Variants in SH2B1 observed in about 807,000 individuals in gnomAD.
The protein encoded by SH2B1 is SH2B adapter protein 1.
SH2B1 carries 15 observed loss-of-function variants against 62.6 expected under a neutral mutation model. The ratio of observed to expected loss-of-function variants is 0.24; its 90% CI spans 0.16 to 0.37. SH2B1 has a LOEUF of 0.37. Among genes scored for constraint, SH2B1 ranks in the 10% least tolerant of loss-of-function variants. SH2B1 has a pLI of 1.00. For missense variants in SH2B1, 925 were observed against 1,015.6 expected (o/e 0.91, Z 1.21); for synonymous variants, 443 against 438.0 (o/e 1.01, Z -0.14).
At chr16:28,851,805 A>C (rs936652388) in intron 1 of SH2B1, among the ~76,000 whole-genome samples, 4 of 146,880 alleles carry the variant, frequency 2.7e-5, no homozygotes, top group African/African-American at 9.9e-5. Flanking sequence ...ATGGTGCCTC[A>C]CGCCTGTAAT....
Position 28,864,140 on chromosome 16 carries a change from G to A in SH2B1, c.-1955G>A. On this transcript the variant is annotated 5_prime_UTR_variant, in exon 1 of 8. In the 5' UTR this introduces an upstream ATG that the reference lacks. Coordinates refer to ENST00000684370, the MANE Select transcript of SH2B1 (RefSeq NM_001387430.1). Reference sequence around the variant, plus strand: ...GCCCCGGAAAATGGGCGGCTGGGGGGTGTCCAGGGAGTAGGGTCGGATCGG... The same window carrying A: ...GCCCCGGAAAATGGGCGGCTGGGGGATGTCCAGGGAGTAGGGTCGGATCGG... 4 of 1,188,734 alleles carry A rather than the reference G, an allele frequency of 3.4e-6. No individual in the cohort carries two copies. The highest frequency in any genetic ancestry group is 4.2e-6 in the Non-Finnish European group (4 of 952,168). 73.6% of individuals were successfully genotyped at this position (1,188,734 alleles called of 1,614,324 possible).
chr16:28,847,071 C>T (rs1162994088), intron 1 of SH2B1, among the ~76,000 whole-genome samples: 2 of 152,202 alleles, frequency 1.3e-5, no homozygotes, highest in African/African-American at 4.8e-5. Flanking sequence ...ACAAGACAGA[C>T]AGCTTCGCTG....
intron 1 of SH2B1, among the ~76,000 whole-genome samples, chr16:28,855,968 G>C (rs959082880): frequency 2.0e-5 from 3 of 149,092 alleles, no homozygotes; most frequent in African/African-American, 7.3e-5. Context: ...ACCGCGCCCA[G>C]CCTTTTTTAC....
At position 28,864,156 on chromosome 16, in the gene SH2B1, G is replaced by C; in HGVS notation, c.-1939G>C. 1.7e-6 allele frequency: 2 copies of C among 1,161,166 alleles called. No individual in the cohort carries two copies. Among genetic ancestry groups the C allele is most frequent in the Non-Finnish European group, 2.1e-6 (2 of 935,680 alleles). The allele number at this position is 1,161,166 out of a possible 1,614,324, so 71.9% of individuals were successfully genotyped here. On this transcript the variant is annotated 5_prime_UTR_variant, in exon 1 of 8. Transcript: ENST00000684370. ...GGCTGGGGGGTGTCCAGGGAGTAGG[G>C]TCGGATCGGAGTATATGGACCACCG...
chr16:28,858,925 C>T (rs1400958085), upstream of SH2B1, among the ~76,000 whole-genome samples: 2 of 146,234 alleles, frequency 1.4e-5, no homozygotes, highest in Non-Finnish European at 3.0e-5. Flanking sequence ...GCCTGGGTGA[C>T]ACAGCAAGAC....
At chr16:28,862,659 G>T (rs1962487618), upstream of SH2B1, 1 of 130,396 alleles carries the variant, frequency 7.7e-6, no homozygotes, top group Admixed American at 9.2e-5. Flanking sequence ...TCTGTTGCCC[G>T]CGCTGGAGTG....
At chr16:28,855,830 G>GTTTTTTTTTT (rs1567460763) in intron 1 of SH2B1, among the ~76,000 whole-genome samples, 1 of 120,374 alleles carries the variant, frequency 8.3e-6, no homozygotes, top group Non-Finnish European at 1.7e-5. Flanking sequence ...TTTTTTTTTG[G>GTTTTTTTTTT]ATTTTTAGTA....
chr16:28,869,328 A>G lies in SH2B1; in HGVS notation c.1254A>G (p.Leu418=). 4 of 1,614,036 alleles carry G rather than the reference A, an allele frequency of 2.5e-6. No individual in the cohort carries two copies. The highest frequency in any genetic ancestry group is 3.4e-6 in the Non-Finnish European group (4 of 1,180,006). The change falls in exon 4 of 8, where the codon CTA becomes CTG. Residue 418 remains leucine, a synonymous_variant. Transcript: ENST00000684370. ...ELSCLNHSES[L]PSQDLLLGPS... ...CCTGCCTGAATCACTCGGAGAGTCTACCCAGCCAGGACCTGCTGCTTGGAC... is the reference window on the plus strand; with the variant it reads ...CCTGCCTGAATCACTCGGAGAGTCTGCCCAGCCAGGACCTGCTGCTTGGAC...
At chr16:28,855,080 G>A (rs1203111337) in intron 1 of SH2B1, among the ~76,000 whole-genome samples, 3 of 151,952 alleles carry the variant, frequency 2.0e-5, no homozygotes, top group African/African-American at 7.2e-5. Flanking sequence ...CACCATGTTG[G>A]CCAGGCTGGT....
chr16:28,855,930 C>G lies in SH2B1; in HGVS notation c.-300-5688C>G, dbSNP rs1962314825. ...TCGTGATCCGCCTGCCTCGGCCTCC[C>G]AAAGTGCTGGGATTACAGGTGTGAG... On this transcript the variant is annotated intron_variant, in intron 1 of 10. Transcript: ENST00000322610. Among the ~76,000 whole-genome samples, 7 of 149,006 alleles carry G rather than the reference C, an allele frequency of 4.7e-5. No homozygotes were observed. The South Asian group carries it at 1.3e-3, about 27-fold the overall frequency.
chr16:28,850,434 C>T (rs1962068619), intron 1 of SH2B1, among the ~76,000 whole-genome samples: 1 of 152,172 alleles, frequency 6.6e-6, no homozygotes, highest in Non-Finnish European at 1.5e-5. Flanking sequence ...TATGGCAGCA[C>T]ATGCTTGTAT....
chr16:28,864,469 C>T lies in SH2B1; in HGVS notation c.-1626C>T, dbSNP rs936910754. 20 of 985,744 alleles carry T rather than the reference C, an allele frequency of 2.0e-5. No individual in the cohort carries two copies. In the African/African-American group the frequency reaches 3.3e-4, roughly 16 times the overall value. 61.1% of individuals were successfully genotyped at this position (985,744 alleles called of 1,614,324 possible). A position where few individuals can be genotyped will look rare whatever the true frequency, so the allele number is the denominator to read the frequency against. On this transcript the variant is annotated 5_prime_UTR_variant, in exon 1 of 8. Transcript: ENST00000684370. Reference sequence around the variant, plus strand: ...CTGGGTTCCCCCGTGCTCCATGACTCCTGCATCTCCTGATTGTTTCTCGTT... The same window carrying T: ...CTGGGTTCCCCCGTGCTCCATGACTTCTGCATCTCCTGATTGTTTCTCGTT...
chr16:28,872,816 C>A lies in SH2B1; in HGVS notation c.1897+111C>A. Reference sequence around the variant, plus strand: ...GGGACTATCACAAGGAGAAGCTTTGCTTGGGAGAGCAGGGTAGAGGAGGCT... The same window carrying A: ...GGGACTATCACAAGGAGAAGCTTTGATTGGGAGAGCAGGGTAGAGGAGGCT... On this transcript the variant is annotated intron_variant, in intron 7 of 7. Coordinates refer to ENST00000684370, the MANE Select transcript of SH2B1 (RefSeq NM_001387430.1). This position sits in a 1 kb window ranked among gnomAD's most constrained non-coding sequence, Gnocchi z 5.3. The A allele has an allele frequency of 7.1e-7, 1 of 1,400,280 alleles. No individual in the cohort carries two copies. The highest frequency in any genetic ancestry group is 9.9e-7 in the Non-Finnish European group (1 of 1,007,582). The allele number at this position is 1,400,280 out of a possible 1,614,324, so 86.7% of individuals were successfully genotyped here.
At chr16:28,854,001 CAAAAAAAAAAAAAAAAA>C (rs59760541) in intron 1 of SH2B1, among the ~76,000 whole-genome samples, 1 of 45,982 alleles carries the variant, frequency 2.2e-5, no homozygotes, top group South Asian at 1.2e-3. Flanking sequence ...GACTAGGTCT[CAAAAAAAAAAAAAAAAA>C]AAAAAAAAAA....
intron 4 of SH2B1, 80 bp from the exon 5 acceptor site, chr16:28,871,700 G>A (rs1273920293): frequency 8.7e-7 from 1 of 1,143,640 alleles, no homozygotes; most frequent in South Asian, 1.2e-5. Context: ...AGGGTAGACT[G>A]CTGGTGAGGA....
Position 28,866,125 on chromosome 16 carries a change from G to A in SH2B1, c.31G>A (p.Ala11Thr). 1.3e-6 allele frequency: 2 copies of A among 1,586,494 alleles called. No individual in the cohort carries two copies. Among genetic ancestry groups the A allele is most frequent in the South Asian group, 1.1e-5 (1 of 87,660 alleles). Residue 11 changes from alanine to threonine, a missense_variant, in exon 1 of 8, where the codon GCC becomes ACC. Ala to Thr is a moderately conservative substitution (Grantham distance 58, BLOSUM62 0). Coordinates refer to ENST00000684370, the MANE Select transcript of SH2B1 (RefSeq NM_001387430.1). This position sits in a 1 kb window ranked among gnomAD's most constrained non-coding sequence, Gnocchi z 6.3. MNGAPSPEDG[A>T]SPSSPPLPPP... The stretch of plus-strand genomic sequence containing the variant: ...TGGTGCCCCTTCCCCAGAGGACGGG[G>A]CCTCCCCCTCGTCTCCCCCGCTGCC...
intron 2 of SH2B1, 37 bp downstream of exon 2, chr16:28,867,469 T>C: frequency 6.6e-7 from 1 of 1,507,390 alleles, no homozygotes; most frequent in Non-Finnish European, 9.2e-7. Flanking sequence ...GCAGTGCTTG[T>C]GTTAAGGAGA....
chr16:28,853,074 ATATT>A (rs1378083953), intron 1 of SH2B1, among the ~76,000 whole-genome samples: 2 of 116,912 alleles, frequency 1.7e-5, no homozygotes, highest in Admixed American at 1.0e-4. Flanking sequence ...ATGTACATAT[ATATT>A]TATATATATT....
chr16:28,866,902 C>G lies in SH2B1; in HGVS notation c.808C>G (p.Arg270Gly), dbSNP rs561413284. The G allele has an allele frequency of 2.5e-6, 4 of 1,611,674 alleles. No homozygotes were observed. In the East Asian group the frequency reaches 6.7e-5, roughly 27 times the overall value. The change falls in exon 1 of 8, where the codon CGG becomes GGG. Residue 270 changes from arginine to glycine, a missense_variant. Arg to Gly is a moderately radical substitution (Grantham distance 125). Transcript: ENST00000684370. This position sits in a 1 kb window ranked among gnomAD's most constrained non-coding sequence, Gnocchi z 6.3. ...EAAPDPAGVG[R>G]GGGVAGPPSG... is the part of the protein sequence containing the mutation. ...AGCCCCTGACCCAGCCGGAGTGGGC[C>G]GGGGAGGAGGGGTGGCTGGGCCTCC...
Sources: gnomAD v4.1 joint callset for allele counts (sites outside exome capture counted in the v4.1 genomes callset) on GRCh38, gnomAD v4.1.1 for gene constraint, Gnocchi (gnomAD v3.1) non-coding constraint, MANE v1.5 for transcripts, NCBI Gene and HGNC (gene_info 2026-07-23, HGNC 2026-07-21) for gene names.